The following MYO16 variants were observed in gnomAD, a reference collection of about 807,000 sequenced individuals.
MYO16 encodes unconventional myosin-XVI.
Under a neutral mutation model 205.3 loss-of-function variants are expected in MYO16, and 94 were observed. The ratio of observed to expected loss-of-function variants is 0.46; its 90% CI spans 0.39 to 0.54. The LOEUF (loss-of-function observed/expected upper bound fraction) is 0.54. Among genes scored for constraint, MYO16 ranks in the 20% least tolerant of loss-of-function variants. The probability of loss-of-function intolerance (pLI) is 0.00; values close to 1 mark genes in which losing one functional copy is unlikely to be tolerated. For missense variants in MYO16, 2,315 were observed against 2,387.5 expected, an observed-to-expected ratio of 0.97 and a Z score of 0.63; for synonymous variants, 988 against 954.0, an observed-to-expected ratio of 1.04 and a Z score of -0.66.
chr13:108,801,226 A>G (rs1389216135), intron 6 of MYO16, among the ~76,000 whole-genome samples: 3 of 152,268 alleles, frequency 2.0e-5, no homozygotes, highest in African/African-American at 4.8e-5. Flanking sequence ...TAGCCTATGT[A>G]TATGAAATGA....
chr13:108,737,639 T>A (rs554258218), intron 4 of MYO16, among the ~76,000 whole-genome samples: 1 of 152,324 alleles, frequency 6.6e-6, no homozygotes, highest in South Asian at 2.1e-4. Context: ...ATCAGGATGA[T>A]GTTGGCCTCA....
chr13:108,983,871 C>G (rs1003508455), intron 20 of MYO16, among the ~76,000 whole-genome samples: 1 of 152,156 alleles, frequency 6.6e-6, no homozygotes, highest in Non-Finnish European at 1.5e-5. Context: ...TGAGTCCTCC[C>G]TCACCTCTCA....
At position 108,712,691 on chromosome 13, in the gene MYO16, C is replaced by T. The variant is rs1883769260; in HGVS notation, c.323C>T (p.Pro108Leu). 6.2e-7 allele frequency: 1 copy of T among 1,614,152 alleles called. No homozygotes were observed. The highest frequency in any genetic ancestry group is 8.5e-7 in the Non-Finnish European group (1 of 1,180,004). Residue 108 changes from proline to leucine, a missense_variant, in exon 3 of 35, where the codon CCC becomes CTC. Physicochemically the swap from Pro to Leu is moderately conservative, Grantham distance 98. Coordinates refer to ENST00000457511, the MANE Select transcript of MYO16 (RefSeq NM_001198950.3). ...VLRLLKEGAD[P>L]HTLVSSGGSL... ...CGGCTCCTGAAGGAGGGGGCAGACCCCCACACCCTCGTCTCCTCGGGAGGG... is the reference window on the plus strand; with the variant it reads ...CGGCTCCTGAAGGAGGGGGCAGACCTCCACACCCTCGTCTCCTCGGGAGGG...
At chr13:108,646,112 T>C (rs1445277744) in intron 1 of MYO16, among the ~76,000 whole-genome samples, 1 of 152,210 alleles carries the variant, frequency 6.6e-6, no homozygotes, top group Non-Finnish European at 1.5e-5. Flanking sequence ...ATCACATGTC[T>C]GCATGAGGAG....
the MYO16 span, among the ~76,000 whole-genome samples, chr13:108,539,616 A>G: frequency 6.6e-6 from 1 of 152,096 alleles, no homozygotes; most frequent in South Asian, 2.1e-4. Context: ...TATTTCTCGC[A>G]TTGAAAAATG....
intron 21 of MYO16, among the ~76,000 whole-genome samples, chr13:108,997,533 C>T (rs1248740932): frequency 6.6e-6 from 1 of 151,962 alleles, no homozygotes; most frequent in African/African-American, 2.4e-5. Context: ...GCTCCCTTTG[C>T]AGAAGATAGA....
At chr13:108,781,533 G>A (rs1886304305) in intron 4 of MYO16, among the ~76,000 whole-genome samples, 1 of 152,180 alleles carries the variant, frequency 6.6e-6, no homozygotes, top group South Asian at 2.1e-4. Context: ...TGCCTTCGGG[G>A]TCAGTAGCTT....
At chr13:108,734,156 G>T (rs1884614215) in intron 4 of MYO16, among the ~76,000 whole-genome samples, 2 of 151,294 alleles carry the variant, frequency 1.3e-5, no homozygotes, top group African/African-American at 4.9e-5. Flanking sequence ...CAAATTTTAT[G>T]TGTCTGTTTG....
chr13:108,760,348 A>G (rs1307457040), intron 4 of MYO16, among the ~76,000 whole-genome samples: 2 of 151,460 alleles, frequency 1.3e-5, no homozygotes, highest in African/African-American at 4.8e-5. Flanking sequence ...TTCTACCACT[A>G]ACCTTATAGT....
At chr13:108,715,192 C>A (rs1883893686) in intron 3 of MYO16, among the ~76,000 whole-genome samples, 1 of 152,222 alleles carries the variant, frequency 6.6e-6, no homozygotes, top group Non-Finnish European at 1.5e-5. Context: ...TCCTTCAGCG[C>A]TGGCCCGTGC....
intron 4 of MYO16, among the ~76,000 whole-genome samples, chr13:108,746,012 C>A (rs1036081530): frequency 1.0e-4 from 15 of 149,066 alleles, no homozygotes; most frequent in African/African-American, 3.2e-4. Context: ...ACAGTGAAAC[C>A]CCATCTCTAC....
intron 23 of MYO16, among the ~76,000 whole-genome samples, chr13:109,026,371 G>C (rs376433501): frequency 6.6e-6 from 1 of 152,030 alleles, no homozygotes; most frequent in South Asian, 2.1e-4. Context: ...ATGTGACCAC[G>C]GGGGGAGGTA....
chr13:108,633,464 T>C (rs1880079964), intron 1 of MYO16, among the ~76,000 whole-genome samples: 1 of 152,198 alleles, frequency 6.6e-6, no homozygotes, highest in Non-Finnish European at 1.5e-5. Context: ...GAGAAAGATG[T>C]AGGCTGGAAG....
At chr13:108,898,461 T>C (rs1194812730) in intron 15 of MYO16, among the ~76,000 whole-genome samples, 1 of 151,588 alleles carries the variant, frequency 6.6e-6, no homozygotes, top group Non-Finnish European at 1.5e-5. Context: ...AAATGCAAGC[T>C]GAACCTTTTC....
intron 2 of MYO16, among the ~76,000 whole-genome samples, chr13:108,683,206 A>G (rs558152266): frequency 3.5e-4 from 53 of 152,312 alleles, no homozygotes; most frequent in African/African-American, 1.2e-3. Context: ...TTATACAATT[A>G]TGATTCAATT....
In MYO16 at chr13:108,798,091, A is replaced by C. The variant is rs141077290; in HGVS notation, c.741+4451A>C. Reference sequence around the variant, plus strand: ...TAGGATGCTGTCCCTTGAAGATTACAGCATTTAACAGCCAGTGGTTTGGTT... The same window carrying C: ...TAGGATGCTGTCCCTTGAAGATTACCGCATTTAACAGCCAGTGGTTTGGTT... On this transcript the variant is annotated intron_variant, in intron 6 of 34. Coordinates refer to ENST00000457511, the MANE Select transcript of MYO16 (RefSeq NM_001198950.3). 4.4e-3 allele frequency among the ~76,000 whole-genome samples: 673 copies of C among 152,318 alleles called. 3 individuals are homozygous for C. The highest frequency in any genetic ancestry group is 0.015 in the African/African-American group (643 of 41,566).
chr13:108,686,644 A>G (rs1048080595), intron 2 of MYO16, among the ~76,000 whole-genome samples: 4 of 152,248 alleles, frequency 2.6e-5, no homozygotes, highest in Admixed American at 6.5e-5. Flanking sequence ...GGCTTAAACC[A>G]GAGGAGCGAA....
intron 3 of MYO16, among the ~76,000 whole-genome samples, chr13:108,715,074 C>T (rs1420285257): frequency 6.6e-6 from 1 of 152,194 alleles, no homozygotes; most frequent in Non-Finnish European, 1.5e-5. Context: ...CAAAGTCCTG[C>T]TTATGGCCAC....
chr13:109,148,268 G>A (rs2139825424), intron 32 of MYO16, among the ~76,000 whole-genome samples: 2 of 152,218 alleles, frequency 1.3e-5, no homozygotes, highest in South Asian at 4.2e-4. Context: ...AATGCCTAAG[G>A]ATTTGTTGTG....
Sources: allele counts gnomAD v4.1 joint callset (sites outside exome capture counted in the v4.1 genomes callset), GRCh38; gene constraint gnomAD v4.1.1; transcripts MANE v1.5; gene names NCBI Gene and HGNC (gene_info 2026-07-23, HGNC 2026-07-21).